The following CACNA1C variants were observed in gnomAD, a reference collection of about 807,000 sequenced individuals.
The protein encoded by CACNA1C is voltage-dependent L-type calcium channel subunit alpha-1C.
A neutral mutation model predicts 229.0 loss-of-function variants in CACNA1C; 30 were observed. That is an observed-to-expected ratio of 0.13 (90% CI 0.10 to 0.18). CACNA1C has a LOEUF of 0.18. CACNA1C is among the 10% of genes least tolerant of loss of function. CACNA1C has a pLI of 1.00. For synonymous variants in CACNA1C, 1,114 were observed against 1,132.5 expected (o/e 0.98, Z 0.33); for missense variants, 1,658 against 2,845.0 (o/e 0.58, Z 9.49).
chr12:2,477,492 G>C (rs1384944465), intron 5 of CACNA1C, among the ~76,000 whole-genome samples: 2 of 152,124 alleles, frequency 1.3e-5, no homozygotes, highest in Non-Finnish European at 2.9e-5. Context: ...TCCTACAGTT[G>C]CGCTACCACA....
intron 34 of CACNA1C, among the ~76,000 whole-genome samples, chr12:2,661,556 T>G (rs1569116690): frequency 6.6e-6 from 1 of 152,096 alleles, no homozygotes; most frequent in Non-Finnish European, 1.5e-5. Context: ...ATTTGTGAGG[T>G]CTACCAGACT....
chr12:2,577,811 C>G (rs1489850217), intron 13 of CACNA1C, among the ~76,000 whole-genome samples: 1 of 152,160 alleles, frequency 6.6e-6, no homozygotes, highest in Non-Finnish European at 1.5e-5. Flanking sequence ...TGGGTTCCTT[C>G]TCCCATGGCC....
Position 2,211,103 on chromosome 12 carries a change from C to T in CACNA1C, c.477+90673C>T, listed in dbSNP as rs114118239. On this transcript the variant is annotated intron_variant, in intron 3 of 46. Coordinates refer to ENST00000399655, the MANE Select transcript of CACNA1C (RefSeq NM_000719.7). ...TGTTCTGTGGTCAAGGAAGGCCCTACTGAAAACCCAGGAATCAAGGTGGGT... is the reference window on the plus strand; with the variant it reads ...TGTTCTGTGGTCAAGGAAGGCCCTATTGAAAACCCAGGAATCAAGGTGGGT... 2.4e-3 allele frequency among the ~76,000 whole-genome samples: 363 copies of T among 152,340 alleles called. 3 individuals carry two copies. Among genetic ancestry groups the T allele is most frequent in the African/African-American group, 8.2e-3 (343 of 41,580 alleles).
intron 6 of CACNA1C, among the ~76,000 whole-genome samples, chr12:2,492,822 G>C (rs767683661): frequency 6.6e-6 from 1 of 152,160 alleles, no homozygotes; most frequent in Non-Finnish European, 1.5e-5. Context: ...CGCTTTCTGG[G>C]TCAGTTTCCA....
intron 11 of CACNA1C, among the ~76,000 whole-genome samples, chr12:2,562,856 A>T (rs2154593016): frequency 6.6e-6 from 1 of 152,326 alleles, no homozygotes; most frequent in East Asian, 1.9e-4. Flanking sequence ...CACATCAAGC[A>T]CTTATCATTT....
intron 3 of CACNA1C, among the ~76,000 whole-genome samples, chr12:2,363,776 G>A (rs2097645480): frequency 1.3e-5 from 2 of 152,206 alleles, no homozygotes; most frequent in South Asian, 2.1e-4. Context: ...ACTGGATAAT[G>A]GTGTGTATTA....
chr12:2,591,062 G>GA (rs1475476511), intron 18 of CACNA1C, among the ~76,000 whole-genome samples: 2 of 152,100 alleles, frequency 1.3e-5, no homozygotes, highest in African/African-American at 2.4e-5. Context: ...CTCTTCTGCT[G>GA]AAAAAATATT....
In CACNA1C at chr12:1,975,862, G is replaced by C. The variant is rs561175612; in HGVS notation, c.139+4661G>C. ...ATATATTCACATGAAGGTTCTCTCC[G>C]TGAGTCCCCTGGCAGTTATGATGGA... is the stretch of plus-strand genomic sequence containing the variant. On this transcript the variant is annotated intron_variant, in intron 1 of 46. Transcript: ENST00000682462. Among the ~76,000 whole-genome samples, 5 of 152,254 alleles carry C rather than the reference G, an allele frequency of 3.3e-5. No homozygotes were observed. In the South Asian group the frequency reaches 1.0e-3, roughly 32 times the overall value.
At chr12:2,572,035 CTCTTTT>C (rs1568492688) in intron 13 of CACNA1C, among the ~76,000 whole-genome samples, 1 of 96,876 alleles carries the variant, frequency 1.0e-5, no homozygotes, top group African/African-American at 3.8e-5. Context: ...GAAATTTCTT[CTCTTTT>C]TTTTTTTTTT....
intron 3 of CACNA1C, among the ~76,000 whole-genome samples, chr12:2,371,675 A>G (rs1420238116): frequency 6.8e-6 from 1 of 146,824 alleles, no homozygotes; most frequent in Non-Finnish European, 1.5e-5. Flanking sequence ...AGAGACCTAG[A>G]AAAAAAATAT....
chr12:2,298,578 T>C (rs1445087305), intron 3 of CACNA1C, among the ~76,000 whole-genome samples: 1 of 152,230 alleles, frequency 6.6e-6, no homozygotes, highest in Non-Finnish European at 1.5e-5. Flanking sequence ...ATTACAGGCA[T>C]GAGCCACCGT....
intron 3 of CACNA1C, among the ~76,000 whole-genome samples, chr12:2,411,546 T>C (rs1446698681): frequency 6.6e-6 from 1 of 152,268 alleles, no homozygotes; most frequent in East Asian, 1.9e-4. Context: ...AGCCCTTGCC[T>C]CTGTTCCTAG....
intron 1 of CACNA1C, among the ~76,000 whole-genome samples, chr12:2,036,552 G>A (rs1170200486): frequency 6.6e-6 from 1 of 151,876 alleles, no homozygotes. Flanking sequence ...TGCAACCTCT[G>A]CCTCTCGGGT....
chr12:2,175,787 T>C (rs1388649655), intron 3 of CACNA1C, among the ~76,000 whole-genome samples: 1 of 152,228 alleles, frequency 6.6e-6, no homozygotes, highest in African/African-American at 2.4e-5. Context: ...TGAAATACCA[T>C]GTGGCAGAAA....
chr12:2,210,572 G>C (rs2097889460), intron 3 of CACNA1C, among the ~76,000 whole-genome samples: 1 of 152,216 alleles, frequency 6.6e-6, no homozygotes, highest in Non-Finnish European at 1.5e-5. Flanking sequence ...TTTTAACCCA[G>C]TTCACGTGGT....
intron 9 of CACNA1C, among the ~76,000 whole-genome samples, chr12:2,515,437 G>A (rs2099794562): frequency 6.6e-6 from 1 of 152,190 alleles, no homozygotes; most frequent in Non-Finnish European, 1.5e-5. Flanking sequence ...CAAATACAAG[G>A]GGAGAAATCC....
At chr12:2,122,766 C>T (rs941396473) in intron 3 of CACNA1C, among the ~76,000 whole-genome samples, 3 of 152,232 alleles carry the variant, frequency 2.0e-5, no homozygotes, top group African/African-American at 7.2e-5. Context: ...GTTGCTAAGA[C>T]TGACATCTCC....
chr12:2,264,185 T>C (rs954782723), intron 3 of CACNA1C, among the ~76,000 whole-genome samples: 2 of 152,178 alleles, frequency 1.3e-5, no homozygotes, highest in African/African-American at 4.8e-5. Flanking sequence ...CCGCTGGAAC[T>C]GGAATGGACT....
intron 3 of CACNA1C, among the ~76,000 whole-genome samples, chr12:2,137,760 A>C (rs1254828150): frequency 6.6e-6 from 1 of 150,824 alleles, no homozygotes; most frequent in Non-Finnish European, 1.5e-5. Flanking sequence ...TAACTTAGAG[A>C]TGCAAAAGAA....
Sources: allele counts gnomAD v4.1 joint callset (sites outside exome capture counted in the v4.1 genomes callset), GRCh38; gene constraint gnomAD v4.1.1; transcripts MANE v1.5; gene names NCBI Gene and HGNC (gene_info 2026-07-23, HGNC 2026-07-21).